Variants in ASB7 observed in about 807,000 individuals in gnomAD.
ASB7 encodes the protein ankyrin repeat and SOCS box containing 7.
A neutral mutation model predicts 32.5 loss-of-function variants in ASB7; 4 were observed. That is an observed-to-expected ratio of 0.12 (90% CI 0.06 to 0.28). The LOEUF (loss-of-function observed/expected upper bound fraction) is 0.28, where lower values mean the gene tolerates loss of function less well. ASB7 is among the 10% of genes least tolerant of loss of function. The pLI, the probability that ASB7 is intolerant of heterozygous loss-of-function variation, is 1.00. For synonymous variants in ASB7, 172 were observed against 155.6 expected, an observed-to-expected ratio of 1.11 and a Z score of -0.78; for missense variants, 181 against 407.1, an observed-to-expected ratio of 0.44 and a Z score of 4.78.
intron 4 of ASB7, among the ~76,000 whole-genome samples, chr15:100,614,394 A>G (rs2039724034): frequency 1.3e-5 from 2 of 152,214 alleles, no homozygotes; most frequent in African/African-American, 4.8e-5. Flanking sequence ...TTTTTATACA[A>G]CTGTGTGACT....
At position 100,603,292 on chromosome 15, in the gene ASB7, C is replaced by G. The variant is rs559438423; in HGVS notation, c.-195C>G. ...CAGAGAAGCAGAAGGCACAGTGCCT[C>G]TGACCAGCATCGTCTGTAAAGGTAA... On this transcript the variant is annotated 5_prime_UTR_variant, in exon 2 of 6. Coordinates refer to ENST00000332783, the MANE Select transcript of ASB7 (RefSeq NM_198243.3). 9.7e-6 allele frequency: 3 copies of G among 309,984 alleles called. No individual in the cohort carries two copies. The highest frequency in any genetic ancestry group is 1.8e-5 in the Non-Finnish European group (3 of 170,518). 19.2% of individuals were successfully genotyped at this position (309,984 alleles called of 1,614,324 possible).
At chr15:100,625,478 T>C (rs2039829888) in intron 4 of ASB7, among the ~76,000 whole-genome samples, 1 of 152,192 alleles carries the variant, frequency 6.6e-6, no homozygotes, top group Non-Finnish European at 1.5e-5. Flanking sequence ...CAACAAAGTT[T>C]AAAATATTTA....
chr15:100,626,637 CTCTCTCTCTGTCTG>C lies in ASB7; in HGVS notation c.212-2790_212-2777del, dbSNP rs1334408388. ...CCCCTCTCCTTCTCTCTCTGTCTCT[CTCTCTCTCTGTCTG>C]TCTCTCTCTCATATATTAATTCATG... On this transcript the variant is annotated intron_variant, in intron 4 of 5. Coordinates refer to ENST00000332783, the MANE Select transcript of ASB7 (RefSeq NM_198243.3). Among the ~76,000 whole-genome samples the C allele has an allele frequency of 7.9e-5, 12 of 152,246 alleles. No homozygotes were observed. In the South Asian group the frequency reaches 2.3e-3, roughly 29 times the overall value.
intron 5 of ASB7, among the ~76,000 whole-genome samples, chr15:100,646,869 T>C (rs533104336): frequency 6.6e-6 from 1 of 152,158 alleles, no homozygotes; most frequent in Non-Finnish European, 1.5e-5. Flanking sequence ...TCTCATTCCT[T>C]TTATCATGAG....
intron 5 of ASB7, among the ~76,000 whole-genome samples, chr15:100,647,698 T>C (rs2049500445): frequency 6.6e-6 from 1 of 152,162 alleles, no homozygotes; most frequent in Non-Finnish European, 1.5e-5. Context: ...GCTGCACTCC[T>C]CAACTGTCAG....
chr15:100,631,844 TC>T (rs2039885594), intron 5 of ASB7, among the ~76,000 whole-genome samples: 1 of 152,218 alleles, frequency 6.6e-6, no homozygotes, highest in Non-Finnish European at 1.5e-5. Flanking sequence ...TAATTGTTTT[TC>T]AAGGTGAAGT....
chr15:100,612,099 T>C (rs1189904422), intron 3 of ASB7, 67 bp from the exon 4 acceptor site: 1 of 830,214 alleles, frequency 1.2e-6, no homozygotes, highest in African/African-American at 1.7e-5. Context: ...TTCTGTGATA[T>C]TTAATAGATG....
intron 5 of ASB7, among the ~76,000 whole-genome samples, chr15:100,647,235 A>C (rs2172576): frequency 0.97 from 148,182 of 152,230 alleles, 72,233 homozygotes; most frequent in Non-Finnish European, 1. Flanking sequence ...AGTTTTGAAA[A>C]CAAAAAGTTT....
chr15:100,614,950 A>G (rs2039729517), intron 4 of ASB7, among the ~76,000 whole-genome samples: 1 of 152,166 alleles, frequency 6.6e-6, no homozygotes, highest in Admixed American at 6.5e-5. Context: ...TTGCTCAATC[A>G]TGGACCCCAT....
intron 4 of ASB7, among the ~76,000 whole-genome samples, chr15:100,613,421 G>A (rs1405478771): frequency 6.6e-6 from 1 of 152,238 alleles, no homozygotes; most frequent in Non-Finnish European, 1.5e-5. Context: ...CTGAGACTAG[G>A]AGTAGCCACA....
chr15:100,639,195 T>C (rs568056706), intron 5 of ASB7, among the ~76,000 whole-genome samples: 3 of 152,302 alleles, frequency 2.0e-5, no homozygotes, highest in African/African-American at 4.8e-5. Context: ...TAGATGGGAA[T>C]TGAGTTGTGT....
At chr15:100,604,309 G>A (rs1167536266) in intron 2 of ASB7, among the ~76,000 whole-genome samples, 2 of 152,152 alleles carry the variant, frequency 1.3e-5, no homozygotes, top group Non-Finnish European at 2.9e-5. Context: ...TTCCTAAAGG[G>A]GGGATATAAG....
chr15:100,637,131 T>G (rs1482071363), intron 5 of ASB7, among the ~76,000 whole-genome samples: 1 of 152,216 alleles, frequency 6.6e-6, no homozygotes, highest in Admixed American at 6.5e-5. Context: ...TGGCAAGCAT[T>G]CTTACTGCGT....
At chr15:100,648,222 C>A in intron 5 of ASB7, 101 bp from the exon 6 acceptor site, 1 of 1,272,650 alleles carries the variant, frequency 7.9e-7, no homozygotes, top group Non-Finnish European at 1.1e-6. Context: ...CATGTCAAGT[C>A]CATAGAGAGA....
chr15:100,635,688 G>A (rs371868846), intron 5 of ASB7, among the ~76,000 whole-genome samples: 4 of 152,214 alleles, frequency 2.6e-5, no homozygotes, highest in East Asian at 3.9e-4. Context: ...AAGGTGTGGG[G>A]AGGGCCAGTG....
intron 2 of ASB7, among the ~76,000 whole-genome samples, chr15:100,605,364 A>G (rs1471403949): frequency 2.0e-5 from 3 of 152,196 alleles, no homozygotes; most frequent in African/African-American, 7.2e-5. Flanking sequence ...AAAAAATCCA[A>G]TTTATTTCGT....
Position 100,608,697 on chromosome 15 carries a change from A to G in ASB7, c.-173-1010A>G, listed in dbSNP as rs878874647. On this transcript the variant is annotated intron_variant, in intron 2 of 5. Coordinates refer to ENST00000332783, the MANE Select transcript of ASB7 (RefSeq NM_198243.3). ...TGTTCTGATCTCGTCGGCCTCATTT[A>G]TTTAGAAATAATAATAGAATTTTAA... 3.3e-5 allele frequency among the ~76,000 whole-genome samples: 5 copies of G among 152,188 alleles called. No individual in the cohort carries two copies. The South Asian group carries it at 1.0e-3, about 32-fold the overall frequency.
At chr15:100,633,559 A>G (rs2039900015) in intron 5 of ASB7, among the ~76,000 whole-genome samples, 2 of 151,966 alleles carry the variant, frequency 1.3e-5, no homozygotes, top group African/African-American at 2.4e-5. Flanking sequence ...CCTGGGTGAC[A>G]AGAGTGAAAC....
At chr15:100,616,928 C>A (rs1228811068) in intron 4 of ASB7, among the ~76,000 whole-genome samples, 1 of 152,186 alleles carries the variant, frequency 6.6e-6, no homozygotes, top group Non-Finnish European at 1.5e-5. Flanking sequence ...TCATAGACAT[C>A]GCCAGCACAG....
Sources: allele counts gnomAD v4.1 joint callset (sites outside exome capture counted in the v4.1 genomes callset), GRCh38; gene constraint gnomAD v4.1.1; transcripts MANE v1.5; gene names NCBI Gene and HGNC (gene_info 2026-07-23, HGNC 2026-07-21).